The following ADAMTS12 variants were observed in gnomAD, a reference collection of about 807,000 sequenced individuals.
The protein encoded by ADAMTS12 is A disintegrin and metalloproteinase with thrombospondin motifs 12.
In ADAMTS12, 118 loss-of-function variants were observed where a neutral mutation model predicts 167.8. The ratio of observed to expected loss-of-function variants is 0.70; its 90% CI spans 0.61 to 0.82. The LOEUF is 0.82. Ranked by LOEUF, ADAMTS12 falls within the 40% of genes least tolerant of loss-of-function variation. ADAMTS12 has a pLI of 0.00. For synonymous variants in ADAMTS12, 704 were observed against 716.9 expected (o/e 0.98, Z 0.29); for missense variants, 1,916 against 1,998.8 (o/e 0.96, Z 0.79).
At chr5:33,784,488 T>C (rs1018281327) in intron 2 of ADAMTS12, among the ~76,000 whole-genome samples, 6 of 151,750 alleles carry the variant, frequency 4.0e-5, no homozygotes, top group Non-Finnish European at 7.4e-5. Context: ...AACAAGCAAA[T>C]TTAGCAAGGT....
chr5:33,799,251 T>C (rs1746900040), intron 2 of ADAMTS12, among the ~76,000 whole-genome samples: 1 of 152,256 alleles, frequency 6.6e-6, no homozygotes, highest in African/African-American at 2.4e-5. Context: ...GGTTTACTAA[T>C]TAAGTGCAAA....
chr5:33,661,171 C>T (rs1741244199), intron 6 of ADAMTS12, among the ~76,000 whole-genome samples: 1 of 152,204 alleles, frequency 6.6e-6, no homozygotes, highest in Non-Finnish European at 1.5e-5. Context: ...ATTTACTTTA[C>T]CCCATTCTAA....
At chr5:33,718,018 A>G (rs1352398751) in intron 3 of ADAMTS12, among the ~76,000 whole-genome samples, 1 of 152,208 alleles carries the variant, frequency 6.6e-6, no homozygotes, top group Non-Finnish European at 1.5e-5. Flanking sequence ...CAATCCTAAC[A>G]TTTTAAATTG....
intron 2 of ADAMTS12, among the ~76,000 whole-genome samples, chr5:33,844,635 T>C (rs551267901): frequency 6.6e-6 from 1 of 152,336 alleles, no homozygotes; most frequent in African/African-American, 2.4e-5. Flanking sequence ...TTAGCAATTT[T>C]AATTTTGCCC....
At chr5:33,572,958 GACAA>G (rs1373267211) in intron 19 of ADAMTS12, among the ~76,000 whole-genome samples, 10 of 147,854 alleles carry the variant, frequency 6.8e-5, no homozygotes, top group Admixed American at 4.1e-4. Context: ...ACCAATAACA[GACAA>G]ACAGAGAGCC....
At position 33,881,465 on chromosome 5, in the gene ADAMTS12, C is replaced by T. The variant is rs1189814541; in HGVS notation, c.143G>A (p.Gly48Asp). The T allele has an allele frequency of 6.2e-7, 1 of 1,612,332 alleles. No homozygotes were observed. Among genetic ancestry groups the T allele is most frequent in the Non-Finnish European group, 8.5e-7 (1 of 1,179,596 alleles). The change falls in exon 2 of 24, where the codon GGC becomes GAC. Residue 48 changes from glycine (G) to aspartate (D), a missense_variant. Gly to Asp is a moderately conservative substitution (Grantham distance 94). Transcript: ENST00000504830. ...PDRRQEHFIKGLPEYHVVGPV... is the reference protein window; with the variant it reads ...PDRRQEHFIKDLPEYHVVGPV... The stretch of plus-strand genomic sequence containing the variant: ...ACCCACCACGTGGTATTCTGGCAGG[C>T]CCTTGATAAAATGCTCTGAAAGAAA...
chr5:33,542,643 C>T (rs541435491), intron 22 of ADAMTS12, among the ~76,000 whole-genome samples: 90 of 152,206 alleles, frequency 5.9e-4, no homozygotes, highest in Non-Finnish European at 9.7e-4. Context: ...TGTAAAAGAA[C>T]GGAAATCACA....
chr5:33,770,394 C>G (rs1745693264), intron 2 of ADAMTS12, among the ~76,000 whole-genome samples: 1 of 152,080 alleles, frequency 6.6e-6, no homozygotes, highest in East Asian at 1.9e-4. Flanking sequence ...GTTTGGGGGT[C>G]CAGGAGGAAT....
intron 19 of ADAMTS12, among the ~76,000 whole-genome samples, chr5:33,574,849 GTTTAC>G (rs1002094168): frequency 2.6e-5 from 4 of 152,104 alleles, no homozygotes; most frequent in African/African-American, 4.8e-5. Flanking sequence ...GCTGCTAATA[GTTTAC>G]TTCACTTTAA....
At chr5:33,575,815 G>T (rs2079565487) in intron 19 of ADAMTS12, among the ~76,000 whole-genome samples, 1 of 152,096 alleles carries the variant, frequency 6.6e-6, no homozygotes, top group African/African-American at 2.4e-5. Flanking sequence ...GGTAGAATCA[G>T]ATTAAAAGCT....
At chr5:33,708,309 G>C (rs891632259) in intron 3 of ADAMTS12, among the ~76,000 whole-genome samples, 1 of 152,170 alleles carries the variant, frequency 6.6e-6, no homozygotes, top group African/African-American at 2.4e-5. Context: ...AGACACCGGA[G>C]AGAATGTGGA....
At position 33,821,710 on chromosome 5, in the gene ADAMTS12, C is replaced by A. The variant is rs561587542; in HGVS notation, c.489+59409G>T. On this transcript the variant is annotated intron_variant, in intron 2 of 23. Transcript: ENST00000504830. ...CAATTTTAAATTTAAAAAAATCATT[C>A]CTGTTGCTTAGCTACTCCAAGTCAC... Among the ~76,000 whole-genome samples the A allele has an allele frequency of 4.9e-4, 75 of 152,268 alleles. 2 individuals are homozygous for A. In the South Asian group the frequency reaches 0.015, roughly 30 times the overall value.
At chr5:33,646,188 T>C (rs1740656042) in intron 9 of ADAMTS12, among the ~76,000 whole-genome samples, 2 of 152,190 alleles carry the variant, frequency 1.3e-5, no homozygotes, top group South Asian at 4.1e-4. Flanking sequence ...TGGGATACCC[T>C]GGAAAACGCT....
intron 2 of ADAMTS12, among the ~76,000 whole-genome samples, chr5:33,871,986 A>G (rs2111738203): frequency 6.6e-6 from 1 of 152,350 alleles, no homozygotes; most frequent in Middle Eastern, 3.4e-3. Context: ...CTTGAATGAC[A>G]CAATCTTTCA....
intron 19 of ADAMTS12, among the ~76,000 whole-genome samples, chr5:33,569,961 G>A (rs548635530): frequency 6.6e-5 from 10 of 152,362 alleles, no homozygotes; most frequent in Admixed American, 3.9e-4. Context: ...AGAAGCCTCA[G>A]GAGCTGATGT....
intron 3 of ADAMTS12, among the ~76,000 whole-genome samples, chr5:33,688,433 C>A (rs4260679): frequency 6.6e-6 from 1 of 151,916 alleles, no homozygotes; most frequent in Non-Finnish European, 1.5e-5. Flanking sequence ...GGATACCTGA[C>A]CACTAACAGA....
In ADAMTS12 at chr5:33,547,640, C is replaced by T. The variant is rs372170221; in HGVS notation, c.4303-1438G>A. ...ACTGCTTAAGAGGGAACTCTACCAACTTTGTGGTTTGCTCAAAACAGGGCA... is the reference window on the plus strand; with the variant it reads ...ACTGCTTAAGAGGGAACTCTACCAATTTTGTGGTTTGCTCAAAACAGGGCA... On this transcript the variant is annotated intron_variant, in intron 21 of 23. Coordinates refer to ENST00000504830, the MANE Select transcript of ADAMTS12 (RefSeq NM_030955.4). 7.9e-4 allele frequency among the ~76,000 whole-genome samples: 121 copies of T among 152,232 alleles called. No individual in the cohort carries two copies. In the East Asian group the frequency reaches 0.02, roughly 25 times the overall value.
At chr5:33,848,181 C>A (rs1334574030) in intron 2 of ADAMTS12, among the ~76,000 whole-genome samples, 1 of 151,774 alleles carries the variant, frequency 6.6e-6, no homozygotes, top group Non-Finnish European at 1.5e-5. Flanking sequence ...CGCACCACTG[C>A]ACTCCAGCCT....
chr5:33,839,310 T>C (rs1748653430), intron 2 of ADAMTS12, among the ~76,000 whole-genome samples: 1 of 152,212 alleles, frequency 6.6e-6, no homozygotes. Flanking sequence ...TTAGCAGAAA[T>C]CTTTTATCCC....
Sources: gnomAD v4.1 joint callset for allele counts (sites outside exome capture counted in the v4.1 genomes callset) on GRCh38, gnomAD v4.1.1 for gene constraint, MANE v1.5 for transcripts, NCBI Gene and HGNC (gene_info 2026-07-23, HGNC 2026-07-21) for gene names.